Variants in RREB1 observed in about 807,000 individuals in gnomAD.
RREB1 encodes ras-responsive element-binding protein 1.
A neutral mutation model predicts 117.8 loss-of-function variants in RREB1; 27 were observed. The ratio of observed to expected loss-of-function variants is 0.23; its 90% CI spans 0.17 to 0.32. The LOEUF (loss-of-function observed/expected upper bound fraction) is 0.32, where lower values mean the gene tolerates loss of function less well. Ranked by LOEUF, RREB1 falls within the 10% of genes least tolerant of loss-of-function variation. The pLI, the probability that RREB1 is intolerant of heterozygous loss-of-function variation, is 1.00. For synonymous variants in RREB1, 1,298 were observed against 1,026.7 expected, an observed-to-expected ratio of 1.26 and a Z score of -5.05; for missense variants, 2,577 against 2,378.2, an observed-to-expected ratio of 1.08 and a Z score of -1.74.
chr6:7,246,296 G>A (rs908547547), intron 11 of RREB1, 128 bp from the exon 12 acceptor site: 16 of 776,224 alleles, frequency 2.1e-5, no homozygotes, highest in Admixed American at 1.0e-4. Flanking sequence ...GATTTGGGCC[G>A]AAAGAAGTCC....
At chr6:7,115,412 A>G in intron 1 of RREB1, among the ~76,000 whole-genome samples, 1 of 149,496 alleles carries the variant, frequency 6.7e-6, no homozygotes, top group East Asian at 2.0e-4. Context: ...AGGGGAGAAG[A>G]AAACAGGGAG....
chr6:7,198,241 G>C (rs1765764101), intron 6 of RREB1, among the ~76,000 whole-genome samples: 1 of 152,122 alleles, frequency 6.6e-6, no homozygotes, highest in South Asian at 2.1e-4. Context: ...TAATCACCAG[G>C]TCCCTGTCCC....
At chr6:7,135,311 G>C (rs772801552) in intron 1 of RREB1, among the ~76,000 whole-genome samples, 1 of 152,160 alleles carries the variant, frequency 6.6e-6, no homozygotes, top group Non-Finnish European at 1.5e-5. Context: ...CCTTTGTAAG[G>C]ATGGAAGCTA....
At chr6:7,235,690 A>G (rs1334223881) in intron 10 of RREB1, among the ~76,000 whole-genome samples, 1 of 152,144 alleles carries the variant, frequency 6.6e-6, no homozygotes, top group African/African-American at 2.4e-5. Flanking sequence ...ACTGCATTTA[A>G]ACAAACTGTC....
chr6:7,114,726 G>T (rs548282345), intron 1 of RREB1, among the ~76,000 whole-genome samples: 50 of 152,288 alleles, frequency 3.3e-4, no homozygotes, highest in Non-Finnish European at 7.4e-5. Context: ...TGCCTCTGAG[G>T]TACCATGGTT....
At chr6:7,153,476 T>A (rs888868426) in intron 1 of RREB1, among the ~76,000 whole-genome samples, 1 of 151,356 alleles carries the variant, frequency 6.6e-6, no homozygotes, top group Non-Finnish European at 1.5e-5. Context: ...TTCACATTTT[T>A]AATACATTTT....
rs761892678 is a variant in RREB1 at position 7,229,974 on chromosome 6, C to T, written c.1875C>T (p.Ala625=). The T allele has an allele frequency of 3.1e-6, 5 of 1,607,042 alleles. No homozygotes were observed. The highest frequency in any genetic ancestry group is 3.4e-6 in the Non-Finnish European group (4 of 1,175,428). The change falls in exon 10 of 13, where the codon GCC becomes GCT. Residue 625 remains alanine, a synonymous_variant. Transcript: ENST00000379938. This position sits in a 1 kb window ranked among gnomAD's most constrained non-coding sequence, Gnocchi z 4.5. The stretch of plus-strand genomic sequence containing the variant: ...AGATCACAGAGGGGGAACTCAAGGC[C>T]TTCATGACAGCGCCCGGCGGCAAGA... ...KQEITEGELK[A]FMTAPGGKKT...
In RREB1 at chr6:7,222,385, A is replaced by C. The variant is rs76641513; in HGVS notation, c.708-4082A>C. The stretch of plus-strand genomic sequence containing the variant: ...TACATAGCCGGCAGCTGAAGTGCAC[A>C]TGGAAATAAGTTGTCCAAGGTCACG... On this transcript the variant is annotated intron_variant, in intron 8 of 12. Coordinates refer to ENST00000379938, the MANE Select transcript of RREB1 (RefSeq NM_001003699.4). 1.3e-3 allele frequency among the ~76,000 whole-genome samples: 191 copies of C among 152,166 alleles called. 2 individuals are homozygous for C. Among genetic ancestry groups the C allele is most frequent in the African/African-American group, 4.4e-3 (183 of 41,518 alleles).
intron 6 of RREB1, among the ~76,000 whole-genome samples, chr6:7,193,213 A>G (rs1480668360): frequency 2.0e-5 from 3 of 152,220 alleles, no homozygotes; most frequent in Admixed American, 6.5e-5. Context: ...CATGATTTCA[A>G]ACTTTGTGAA....
intron 1 of RREB1, among the ~76,000 whole-genome samples, chr6:7,137,135 C>T (rs1243796361): frequency 6.6e-6 from 1 of 152,226 alleles, no homozygotes; most frequent in Non-Finnish European, 1.5e-5. Context: ...GCTAATTCGT[C>T]ACATCCAGCT....
Position 7,249,467 on chromosome 6 carries a change from G to A in RREB1, c.*499G>A, listed in dbSNP as rs1035809435. The A allele has an allele frequency of 6.5e-6, 1 of 154,330 alleles. No individual in the cohort carries two copies. The highest frequency in any genetic ancestry group is 1.4e-5 in the Non-Finnish European group (1 of 69,298). The allele number at this position is 154,330 out of a possible 1,614,324, so 9.6% of individuals were successfully genotyped here. On this transcript the variant is annotated 3_prime_UTR_variant, in exon 13 of 13. Coordinates refer to ENST00000379938, the MANE Select transcript of RREB1 (RefSeq NM_001003699.4). ...GTGAATTTCATGTAAATGACCAGAG[G>A]AAAGATGGATAAGATGATAATTTCT...
chr6:7,201,160 C>G (rs946560788), intron 6 of RREB1, among the ~76,000 whole-genome samples: 31 of 152,098 alleles, frequency 2.0e-4, no homozygotes, highest in African/African-American at 6.8e-4. Flanking sequence ...CCCAGGTGTC[C>G]TCTCCCACCA....
At chr6:7,176,896 C>G (rs1340489057) in intron 2 of RREB1, 123 bp downstream of exon 2, 1 of 152,512 alleles carries the variant, frequency 6.6e-6, no homozygotes, top group African/African-American at 2.4e-5. Flanking sequence ...CCAGGTCCTC[C>G]TGAGGCTTTG....
intron 1 of RREB1, among the ~76,000 whole-genome samples, chr6:7,175,348 G>A (rs1273615659): frequency 6.8e-6 from 1 of 146,606 alleles, no homozygotes; most frequent in Non-Finnish European, 1.5e-5. Context: ...TATAGAGTAT[G>A]TGCATTGTTT....
intron 1 of RREB1, among the ~76,000 whole-genome samples, chr6:7,120,843 A>C (rs1019220395): frequency 9.4e-5 from 12 of 127,820 alleles, no homozygotes; most frequent in Admixed American, 3.5e-4. Context: ...TTTTTGAGAC[A>C]GAGTCTTGTT....
At chr6:7,202,086 C>G (rs12201926) in intron 6 of RREB1, among the ~76,000 whole-genome samples, 50,104 of 152,052 alleles carry the variant, frequency 0.33, 8,536 homozygotes, top group Middle Eastern at 0.4. Context: ...GTTCCCCTTT[C>G]CTTGCCAGCA....
At chr6:7,194,781 A>C (rs1765584350) in intron 6 of RREB1, among the ~76,000 whole-genome samples, 1 of 152,232 alleles carries the variant, frequency 6.6e-6, no homozygotes, top group South Asian at 2.1e-4. Flanking sequence ...CTGAAGGTTT[A>C]CAGTGTACTA....
At chr6:7,108,326 T>TC (rs1760934465) in intron 1 of RREB1, among the ~76,000 whole-genome samples, 1 of 151,042 alleles carries the variant, frequency 6.6e-6, no homozygotes, top group African/African-American at 2.4e-5. Context: ...TTCCTCCTCC[T>TC]CCTCCTCCTC....
At chr6:7,166,148 T>G (rs1763917445) in intron 1 of RREB1, among the ~76,000 whole-genome samples, 1 of 152,216 alleles carries the variant, frequency 6.6e-6, no homozygotes, top group South Asian at 2.1e-4. Context: ...AGGACTGCAC[T>G]AATCCCCACT....
Sources: gnomAD v4.1 joint callset for allele counts (sites outside exome capture counted in the v4.1 genomes callset) on GRCh38, gnomAD v4.1.1 for gene constraint, Gnocchi (gnomAD v3.1) non-coding constraint, MANE v1.5 for transcripts, NCBI Gene and HGNC (gene_info 2026-07-23, HGNC 2026-07-21) for gene names.